Variants in SPOCK1 observed in about 807,000 individuals in gnomAD.
The protein encoded by SPOCK1 is testican-1.
Under a neutral mutation model 55.3 loss-of-function variants are expected in SPOCK1, and 23 were observed. The ratio of observed to expected loss-of-function variants is 0.42; its 90% confidence interval spans 0.30 to 0.59. SPOCK1 has a LOEUF of 0.59. Ranked by LOEUF, SPOCK1 falls within the 20% of genes least tolerant of loss-of-function variation. The probability of loss-of-function intolerance (pLI) is 0.22; values close to 1 mark genes in which losing one functional copy is unlikely to be tolerated. For synonymous variants in SPOCK1, 226 were observed against 221.0 expected, an observed-to-expected ratio of 1.02 and a Z score of -0.20; for missense variants, 499 against 552.5, an observed-to-expected ratio of 0.90 and a Z score of 0.97.
chr5:137,361,627 A>G lies in SPOCK1; in HGVS notation c.187-94572T>C, dbSNP rs140601756. On this transcript the variant is annotated intron_variant, in intron 2 of 10. Coordinates refer to ENST00000394945, the MANE Select transcript of SPOCK1 (RefSeq NM_004598.4). ...ACACACGATTAGGAATCTGGAAGGA[A>G]ATATGCTAAAAAATGCTAATAGTGG... Among the ~76,000 whole-genome samples the G allele has an allele frequency of 1.1e-3, 173 of 152,380 alleles. 5 individuals are homozygous for G. The East Asian group carries it at 0.032, about 28-fold the overall frequency.
intron 3 of SPOCK1, 107 bp downstream of exon 3, chr5:137,266,903 A>G: frequency 1.1e-6 from 1 of 948,988 alleles, no homozygotes; most frequent in Non-Finnish European, 1.6e-6. Flanking sequence ...TCAATAAAAT[A>G]ACACCGCTAG....
At position 137,443,795 on chromosome 5, in the gene SPOCK1, A is replaced by G. The variant is rs1275698400; in HGVS notation, c.186+54578T>C. Among the ~76,000 whole-genome samples, 5 of 152,184 alleles carry G rather than the reference A, an allele frequency of 3.3e-5. No individual in the cohort carries two copies. In the East Asian group the frequency reaches 9.7e-4, roughly 29 times the overall value. ...TGCTTTGCTCAGGCCTTTCTCTCTA[A>G]GCTGGCCTCCAGGCATGCTCCTGTC... is the stretch of plus-strand genomic sequence containing the variant. On this transcript the variant is annotated intron_variant, in intron 2 of 10. Transcript: ENST00000394945.
At chr5:137,219,142 T>C (rs1455579173) in intron 3 of SPOCK1, among the ~76,000 whole-genome samples, 2 of 152,234 alleles carry the variant, frequency 1.3e-5, no homozygotes, top group African/African-American at 4.8e-5. Flanking sequence ...CATCACCCTC[T>C]TAATTTGTCT....
Position 137,463,281 on chromosome 5 carries a change from G to A in SPOCK1, c.186+35092C>T, listed in dbSNP as rs146570959. Among the ~76,000 whole-genome samples the A allele has an allele frequency of 1.2e-4, 19 of 152,294 alleles. No individual in the cohort carries two copies. The East Asian group carries it at 3.1e-3, about 25-fold the overall frequency. ...GCCTAGATTTGGAAGCAAACTAAGT[G>A]TCCATCAACATGTGGTACATATACA... On this transcript the variant is annotated intron_variant, in intron 2 of 10. Coordinates refer to ENST00000394945, the MANE Select transcript of SPOCK1 (RefSeq NM_004598.4).
intron 2 of SPOCK1, among the ~76,000 whole-genome samples, chr5:137,318,788 G>A (rs745451284): frequency 3.9e-5 from 6 of 152,124 alleles, no homozygotes; most frequent in Non-Finnish European, 5.9e-5. Context: ...CACAGAGCAG[G>A]CCCTCCTTAA....
At position 137,207,290 on chromosome 5, in the gene SPOCK1, C is replaced by G. The variant is rs1405659788; in HGVS notation, c.232+59720G>C. On this transcript the variant is annotated intron_variant, in intron 3 of 10. Coordinates refer to ENST00000394945, the MANE Select transcript of SPOCK1 (RefSeq NM_004598.4). ...AGCACCTGCAGGCCTGGAACAGGCCCACCAGCAGGGAGCCTTTTCAGTGGG... is the reference window on the plus strand; with the variant it reads ...AGCACCTGCAGGCCTGGAACAGGCCGACCAGCAGGGAGCCTTTTCAGTGGG... Among the ~76,000 whole-genome samples the G allele has an allele frequency of 4.6e-5, 7 of 152,352 alleles. No individual in the cohort carries two copies. The East Asian group carries it at 1.4e-3, about 29-fold the overall frequency.
At chr5:137,102,405 C>T (rs2127026233) in intron 5 of SPOCK1, among the ~76,000 whole-genome samples, 1 of 152,130 alleles carries the variant, frequency 6.6e-6, no homozygotes, top group Non-Finnish European at 1.5e-5. Context: ...GGAAGAAAGC[C>T]TCTTTGCAGA....
intron 3 of SPOCK1, among the ~76,000 whole-genome samples, chr5:137,190,488 T>C (rs1755159104): frequency 6.6e-6 from 1 of 152,198 alleles, no homozygotes; most frequent in Non-Finnish European, 1.5e-5. Flanking sequence ...GGTATGTACA[T>C]TGATTTTTAA....
chr5:137,070,803 G>A (rs1034314863), intron 5 of SPOCK1, among the ~76,000 whole-genome samples: 1 of 151,846 alleles, frequency 6.6e-6, no homozygotes, highest in Non-Finnish European at 1.5e-5. Flanking sequence ...CCACTTTCTC[G>A]GCTGGCCTGC....
At chr5:137,226,201 T>G (rs929529549) in intron 3 of SPOCK1, among the ~76,000 whole-genome samples, 1 of 152,246 alleles carries the variant, frequency 6.6e-6, no homozygotes, top group African/African-American at 2.4e-5. Context: ...GCATCTTTCA[T>G]GCTAATTCAT....
intron 2 of SPOCK1, among the ~76,000 whole-genome samples, chr5:137,436,341 C>G (rs1752864783): frequency 6.6e-6 from 1 of 152,072 alleles, no homozygotes; most frequent in African/African-American, 2.4e-5. Context: ...AGGAAAGGCT[C>G]TAATCCCATT....
intron 3 of SPOCK1, among the ~76,000 whole-genome samples, chr5:137,246,534 A>G (rs899527462): frequency 9.2e-5 from 14 of 152,178 alleles, no homozygotes; most frequent in Non-Finnish European, 1.9e-4. Context: ...ACTTTCCATC[A>G]AGGCTTCCAG....
chr5:137,165,607 A>G (rs757254958), intron 3 of SPOCK1, among the ~76,000 whole-genome samples: 1 of 152,212 alleles, frequency 6.6e-6, no homozygotes, highest in Non-Finnish European at 1.5e-5. Context: ...AAACAGAAAT[A>G]TGTGACCTTT....
intron 4 of SPOCK1, among the ~76,000 whole-genome samples, chr5:137,132,524 G>T (rs1371687741): frequency 6.6e-6 from 1 of 152,206 alleles, no homozygotes; most frequent in Non-Finnish European, 1.5e-5. Flanking sequence ...GGGCAGAACT[G>T]CAGAGAAGGG....
chr5:136,980,258 A>C (rs1458887055), intron 9 of SPOCK1, among the ~76,000 whole-genome samples: 1 of 151,524 alleles, frequency 6.6e-6, no homozygotes, highest in Admixed American at 6.6e-5. Context: ...GATTAGTTCT[A>C]ATTTTTCACT....
chr5:137,012,424 C>G (rs1375364381), intron 6 of SPOCK1, among the ~76,000 whole-genome samples: 1 of 152,136 alleles, frequency 6.6e-6, no homozygotes, highest in Non-Finnish European at 1.5e-5. Flanking sequence ...TTCTCCCTGC[C>G]ATCCTCCCAC....
intron 3 of SPOCK1, among the ~76,000 whole-genome samples, chr5:137,222,743 C>T (rs765925002): frequency 6.6e-6 from 1 of 152,186 alleles, no homozygotes; most frequent in Non-Finnish European, 1.5e-5. Context: ...ATTAATTGAG[C>T]ACCTACTGTG....
intron 2 of SPOCK1, among the ~76,000 whole-genome samples, chr5:137,449,598 T>C (rs1012454427): frequency 6.6e-6 from 1 of 152,070 alleles, no homozygotes. Context: ...TGTCTAAGAT[T>C]AAACAAGGAG....
chr5:137,241,001 A>T (rs1188465304), intron 3 of SPOCK1, among the ~76,000 whole-genome samples: 1 of 152,232 alleles, frequency 6.6e-6, no homozygotes, highest in African/African-American at 2.4e-5. Context: ...CACAAGGACA[A>T]CTGGATAGCA....
Sources: gnomAD v4.1 joint callset for allele counts (sites outside exome capture counted in the v4.1 genomes callset) on GRCh38, gnomAD v4.1.1 for gene constraint, MANE v1.5 for transcripts, NCBI Gene and HGNC (gene_info 2026-07-23, HGNC 2026-07-21) for gene names.